ZNF658: variants seen among roughly 807,000 people sequenced by gnomAD.
ZNF658 encodes the protein zinc finger protein 658.
Under a neutral mutation model 78.0 loss-of-function variants are expected in ZNF658, and 46 were observed. The ratio of observed to expected loss-of-function variants is 0.59; its 90% CI spans 0.47 to 0.75. The LOEUF (loss-of-function observed/expected upper bound fraction) is 0.75. Ranked by LOEUF, ZNF658 falls within the 30% of genes least tolerant of loss-of-function variation. ZNF658 has a pLI of 0.00. For synonymous variants in ZNF658, 279 were observed against 408.4 expected, an observed-to-expected ratio of 0.68 and a Z score of 3.82; for missense variants, 785 against 1,189.3, an observed-to-expected ratio of 0.66 and a Z score of 5.00.
At chr9:66,914,273 G>A (rs12553109) in intron 4 of ZNF658, among the ~76,000 whole-genome samples, 84,476 of 148,456 alleles carry the variant, frequency 0.57, 24,795 homozygotes, top group African/African-American at 0.73. Context: ...TTTTGTTTTG[G>A]TGCTGTAATA....
chr9:66,921,480 G>C (rs1822525991), downstream of ZNF658: 1 of 150,180 alleles, frequency 6.7e-6, no homozygotes, highest in South Asian at 2.1e-4. Flanking sequence ...TTTAGAATTG[G>C]AGATAAAATA....
At position 66,918,133 on chromosome 9, in the gene ZNF658, T is replaced by G. The variant is rs747564076; in HGVS notation, c.567T>G (p.Tyr189Ter). Residue 189 changes from tyrosine (Y) to a stop codon, truncating the protein, a stop_gained, in exon 5 of 5, where the codon TAT becomes TAG. Coordinates refer to ENST00000621410, the MANE Select transcript of ZNF658 (RefSeq NM_033160.7). LOFTEE classifies it high-confidence loss of function. ...AAGCTCATGCTGAAGAGAAATCTTA[T>G]GAACATGGTGAAAATGCTAAAGCTT... ...HEKAHAEEKSYEHGENAKAFS... is the reference protein window; with the variant it reads ...HEKAHAEEKS The G allele has an allele frequency of 1.9e-6, 3 of 1,594,548 alleles. No individual in the cohort carries two copies. Among genetic ancestry groups the G allele is most frequent in the South Asian group, 1.2e-5 (1 of 86,838 alleles).
intron 2 of ZNF658, among the ~76,000 whole-genome samples, chr9:66,905,057 C>CT (rs1564168801): frequency 4.8e-5 from 3 of 62,086 alleles, no homozygotes; most frequent in East Asian, 3.8e-4. Context: ...TTTCTTTTCT[C>CT]TTTTTCTTTT....
At position 66,919,811 on chromosome 9, in the gene ZNF658, A is replaced by G. The variant is rs1587368491; in HGVS notation, c.2245A>G (p.Lys749Glu). The change falls in exon 5 of 5, where the codon AAA (lysine) becomes GAA (glutamate). Residue 749 changes from lysine to glutamate, a missense_variant. Transcript: ENST00000621410. The stretch of plus-strand genomic sequence containing the variant: ...ACTCTATGAATGTAGTGAATGTGGA[A>G]AAACTTTTTTCCAGAAGACACGCCT... ...EKLYECSECG[K>E]TFFQKTRLST... The G allele has an allele frequency of 6.2e-7, 1 of 1,610,500 alleles. No homozygotes were observed. Among genetic ancestry groups the G allele is most frequent in the Admixed American group, 1.7e-5 (1 of 59,874 alleles).
At chr9:66,909,571 G>C (rs12346908) in intron 4 of ZNF658, among the ~76,000 whole-genome samples, 5 of 151,104 alleles carry the variant, frequency 3.3e-5, no homozygotes, top group African/African-American at 1.2e-4. Flanking sequence ...TATTTCTCTT[G>C]TGTATATTCC....
downstream of ZNF658, among the ~76,000 whole-genome samples, chr9:66,925,546 T>A (rs1019221032): frequency 6.6e-6 from 1 of 151,340 alleles, no homozygotes. Flanking sequence ...ATGAAAGAAA[T>A]AGGAAATTTA....
chr9:66,926,333 A>G (rs894366091), downstream of ZNF658, among the ~76,000 whole-genome samples: 4 of 149,774 alleles, frequency 2.7e-5, no homozygotes, highest in African/African-American at 9.8e-5. Flanking sequence ...AGAAAACTCT[A>G]AAGACTCCAC....
chr9:66,908,518 A>T (rs1264271132), intron 3 of ZNF658, 121 bp from the exon 4 acceptor site: 1 of 1,446,490 alleles, frequency 6.9e-7, no homozygotes, highest in Non-Finnish European at 9.2e-7. Context: ...ACATGTCATT[A>T]CTTTCCCATT....
intron 1 of ZNF658, among the ~76,000 whole-genome samples, chr9:66,902,291 G>A (rs1487329786): frequency 7.5e-6 from 1 of 133,986 alleles, no homozygotes; most frequent in Non-Finnish European, 1.6e-5. Context: ...CCATATGACC[G>A]AGACCTCTTC....
chr9:66,905,417 C>A lies in ZNF658; in HGVS notation c.15+1841C>A, dbSNP rs529383386. On this transcript the variant is annotated intron_variant, in intron 2 of 4. Coordinates refer to ENST00000621410, the MANE Select transcript of ZNF658 (RefSeq NM_033160.7). ...TTTATCCTACTTAAAGTTTGTGAAGCATTTTGGGCATGTAGATTTATCATT... is the reference window on the plus strand; with the variant it reads ...TTTATCCTACTTAAAGTTTGTGAAGAATTTTGGGCATGTAGATTTATCATT... Among the ~76,000 whole-genome samples the A allele has an allele frequency of 4.6e-4, 69 of 150,714 alleles. No individual in the cohort carries two copies. The Middle Eastern group carries it at 0.01, about 22-fold the overall frequency.
intron 2 of ZNF658, 105 bp downstream of exon 2, chr9:66,903,681 C>G (rs1653811768): frequency 1.2e-6 from 1 of 809,336 alleles, no homozygotes; most frequent in African/African-American, 1.7e-5. Context: ...GGATCAGACA[C>G]ATTCCTAGAA....
intron 4 of ZNF658, among the ~76,000 whole-genome samples, chr9:66,914,165 T>A (rs989564322): frequency 6.6e-6 from 1 of 151,256 alleles, no homozygotes; most frequent in Non-Finnish European, 1.5e-5. Context: ...ACACAAAATA[T>A]CCCTACTGAT....
At chr9:66,901,814 C>A (rs1377372037) in intron 1 of ZNF658, among the ~76,000 whole-genome samples, 2 of 151,688 alleles carry the variant, frequency 1.3e-5, no homozygotes, top group African/African-American at 2.4e-5. Context: ...CGTGGTGGTG[C>A]ACTCCTGTAA....
At chr9:66,903,361 G>A in intron 1 of ZNF658, 157 bp from the exon 2 acceptor site, 1 of 545,972 alleles carries the variant, frequency 1.8e-6, no homozygotes, top group Admixed American at 3.2e-5. Flanking sequence ...TTTTTTTTAG[G>A]CACATGAATA....
chr9:66,918,755 G>T lies in ZNF658; in HGVS notation c.1189G>T (p.Ala397Ser), dbSNP rs144176082. Residue 397 changes from alanine to serine, a missense_variant, in exon 5 of 5, where the codon GCA (alanine) becomes TCA (serine). By Grantham distance (99) the Ala-to-Ser change is moderately conservative. Coordinates refer to ENST00000621410, the MANE Select transcript of ZNF658 (RefSeq NM_033160.7). ...GKCRKSFYRKAHLIQHQRPHS... is the reference protein window; with the variant it reads ...GKCRKSFYRKSHLIQHQRPHS... Reference sequence around the variant, plus strand: ...ATGCAGAAAATCCTTTTACCGGAAAGCACACCTCATTCAGCATCAGAGGCC... The same window carrying T: ...ATGCAGAAAATCCTTTTACCGGAAATCACACCTCATTCAGCATCAGAGGCC... 3.7e-6 allele frequency: 6 copies of T among 1,613,932 alleles called. No homozygotes were observed. The highest frequency in any genetic ancestry group is 3.4e-6 in the Non-Finnish European group (4 of 1,179,864).
In ZNF658 at chr9:66,920,060, G is replaced by C; in HGVS notation, c.2494G>C (p.Gly832Arg). The change falls in exon 5 of 5, where the codon GGG (glycine) becomes CGG (arginine). Residue 832 changes from glycine to arginine, a missense_variant. Gly to Arg is a moderately radical substitution (Grantham distance 125). Coordinates refer to ENST00000621410, the MANE Select transcript of ZNF658 (RefSeq NM_033160.7). ...GAAACCCTATGAATGTAACCAATGT[G>C]GGAAAACTTTCTCCCAAAGAACACA... is the stretch of plus-strand genomic sequence containing the variant. ...GEKPYECNQC[G>R]KTFSQRTHLC... 6.2e-7 allele frequency: 1 copy of C among 1,613,366 alleles called. No individual in the cohort carries two copies. Among genetic ancestry groups the C allele is most frequent in the Non-Finnish European group, 8.5e-7 (1 of 1,179,920 alleles).
At chr9:66,913,112 C>T (rs1272696160) in intron 4 of ZNF658, among the ~76,000 whole-genome samples, 1 of 150,228 alleles carries the variant, frequency 6.7e-6, no homozygotes, top group Non-Finnish European at 1.5e-5. Context: ...CCTGATCTTT[C>T]ACCCATGCCC....
chr9:66,908,525 C>T (rs1822134776), intron 3 of ZNF658, 114 bp from the exon 4 acceptor site: 8 of 1,450,228 alleles, frequency 5.5e-6, no homozygotes, highest in Non-Finnish European at 7.4e-6. Context: ...ATTACTTTCC[C>T]ATTAAAAATT....
At chr9:66,925,546 T>C (rs1019221032), downstream of ZNF658, among the ~76,000 whole-genome samples, 13 of 151,340 alleles carry the variant, frequency 8.6e-5, no homozygotes, top group Admixed American at 5.9e-4. Context: ...ATGAAAGAAA[T>C]AGGAAATTTA....
Sources: gnomAD v4.1 joint callset for allele counts (sites outside exome capture counted in the v4.1 genomes callset) on GRCh38, gnomAD v4.1.1 for gene constraint, MANE v1.5 for transcripts, NCBI Gene and HGNC (gene_info 2026-07-23, HGNC 2026-07-21) for gene names.